Variants in ACAA1 observed in about 807,000 individuals in gnomAD.
ACAA1 encodes acetyl-CoA acyltransferase 1, also known as 3-ketoacyl-CoA thiolase, peroxisomal.
In ACAA1, 44 loss-of-function variants were observed where a neutral mutation model predicts 48.8. The ratio of observed to expected loss-of-function variants is 0.90; its 90% CI spans 0.71 to 1.16. ACAA1 has a LOEUF of 1.16. Among genes scored for constraint, ACAA1 ranks in the 50% most tolerant of loss-of-function variants. The pLI, the probability that ACAA1 is intolerant of heterozygous loss-of-function variation, is 0.00. For synonymous variants in ACAA1, 233 were observed against 226.5 expected, an observed-to-expected ratio of 1.03 and a Z score of -0.26; for missense variants, 512 against 562.3, an observed-to-expected ratio of 0.91 and a Z score of 0.90.
At chr3:38,133,874 G>T in intron 3 of ACAA1, 78 bp downstream of exon 3, 1 of 1,483,718 alleles carries the variant, frequency 6.7e-7, no homozygotes, top group Non-Finnish European at 9.4e-7. Context: ...TCCCCAACCT[G>T]CACACTGAGT....
At chr3:38,135,848 T>C (rs1700880555) in intron 2 of ACAA1, among the ~76,000 whole-genome samples, 1 of 152,134 alleles carries the variant, frequency 6.6e-6, no homozygotes. Flanking sequence ...CCTCTTTTAC[T>C]AATACTCCTC....
chr3:38,122,932 A>G lies in ACAA1; in HGVS notation c.*115T>C, dbSNP rs1164525636. 1.2e-5 allele frequency: 13 copies of G among 1,085,676 alleles called. No individual in the cohort carries two copies. Among genetic ancestry groups the G allele is most frequent in the African/African-American group, 1.6e-5 (1 of 64,338 alleles). The allele number at this position is 1,085,676 out of a possible 1,614,324, so 67.3% of individuals were successfully genotyped here. A position where few individuals can be genotyped will look rare whatever the true frequency, so the allele number is the denominator to read the frequency against. On this transcript the variant is annotated 3_prime_UTR_variant, in exon 12 of 12. Coordinates refer to ENST00000333167, the MANE Select transcript of ACAA1 (RefSeq NM_001607.4). The stretch of plus-strand genomic sequence containing the variant: ...TGAGTTGAAGTGCCTTGATCTGTCC[A>G]CTGCCACCACCACCAGTGCTGAGTT...
chr3:38,135,480 G>A (rs1700872010), intron 2 of ACAA1, among the ~76,000 whole-genome samples: 1 of 152,096 alleles, frequency 6.6e-6, no homozygotes, highest in Non-Finnish European at 1.5e-5. Flanking sequence ...TAAGGTAATG[G>A]TGGGGAGGGG....
chr3:38,132,329 C>A, intron 3 of ACAA1: 1 of 176,472 alleles, frequency 5.7e-6, no homozygotes, highest in Non-Finnish European at 1.2e-5. Flanking sequence ...CTCTCTCTCT[C>A]CCTTTGAAGA....
In ACAA1 at chr3:38,126,559, G is replaced by T. The variant is rs761579086; in HGVS notation, c.768C>A (p.Gly256=). The T allele has an allele frequency of 6.2e-7, 1 of 1,614,192 alleles. No individual in the cohort carries two copies. Among genetic ancestry groups the T allele is most frequent in the Non-Finnish European group, 8.5e-7 (1 of 1,180,030 alleles). ...TGAAGGCAGGCTTCAGTTTGGCCAG[G>T]CCCTCCATGGTGGTGCTGGGGCGGA... The part of the protein sequence containing the change: ...EGIRPSTTME[G]LAKLKPAFKK... Residue 256 remains glycine (G), a synonymous_variant, in exon 8 of 12, where the codon GGC becomes GGA. Coordinates refer to ENST00000333167, the MANE Select transcript of ACAA1 (RefSeq NM_001607.4). The surrounding 1 kb of genome is among the most constrained non-coding windows in gnomAD (Gnocchi z 4.7).
chr3:38,128,045 A>G (rs554962003), intron 6 of ACAA1, among the ~76,000 whole-genome samples, 179 bp from the exon 7 acceptor site: 2 of 152,306 alleles, frequency 1.3e-5, no homozygotes, highest in South Asian at 4.1e-4. Context: ...CCTGCCCTGA[A>G]AGTGGATATA....
intron 7 of ACAA1, among the ~76,000 whole-genome samples, chr3:38,127,099 T>C (rs1395754794): frequency 6.6e-6 from 1 of 152,236 alleles, no homozygotes; most frequent in Non-Finnish European, 1.5e-5. Flanking sequence ...TTTCCGCCTA[T>C]TTAAAGTGAC....
chr3:38,132,303 G>C, intron 3 of ACAA1: 1 of 192,732 alleles, frequency 5.2e-6, no homozygotes, highest in Non-Finnish European at 1.1e-5. Context: ...AGCCTGTTTG[G>C]GCCACAGGGA....
intron 11 of ACAA1, 85 bp from the exon 12 acceptor site, chr3:38,123,207 C>T: frequency 3.7e-6 from 5 of 1,341,710 alleles, no homozygotes; most frequent in Non-Finnish European, 5.3e-6. Context: ...ACGTCATGGA[C>T]AAGTAGGATG....
chr3:38,129,266 A>T lies in ACAA1; in HGVS notation c.545+24T>A. 1 of 1,603,142 alleles carries T rather than the reference A, an allele frequency of 6.2e-7. No homozygotes were observed. The highest frequency in any genetic ancestry group is 8.5e-7 in the Non-Finnish European group (1 of 1,170,442). On this transcript the variant is annotated intron_variant, in intron 6 of 11. Coordinates refer to ENST00000333167, the MANE Select transcript of ACAA1 (RefSeq NM_001607.4). This position sits in a 1 kb window ranked among gnomAD's most constrained non-coding sequence, Gnocchi z 5.3. ...TGCCCCAGGCAGAGAGGGCACAAGC[A>T]CACAGAGCTATGGGAGCACTCACCC...
Position 38,126,012 on chromosome 3 carries a change from G to A in ACAA1, c.998-131C>T, listed in dbSNP as rs1384282761. 10 of 1,487,290 alleles carry A rather than the reference G, an allele frequency of 6.7e-6. No homozygotes were observed. The Admixed American group carries it at 1.6e-4, about 24-fold the overall frequency. The allele number at this position is 1,487,290 out of a possible 1,614,324, so 92.1% of individuals were successfully genotyped here. A position where few individuals can be genotyped will look rare whatever the true frequency, so the allele number is the denominator to read the frequency against. On this transcript the variant is annotated intron_variant, in intron 9 of 11. Transcript: ENST00000333167. The surrounding 1 kb of genome is among the most constrained non-coding windows in gnomAD (Gnocchi z 4.7). ...AGGGTGAGCCAATCCCAGCTGTGGG[G>A]TCAGGAAGGGCTTGAAGTATGGGAC...
chr3:38,134,005 ATTTCCTGTGGACAACAAAC>A lies in ACAA1; in HGVS notation c.266-15_269del. 3 of 1,613,350 alleles carry A rather than the reference ATTTCCTGTGGACAACAAAC, an allele frequency of 1.9e-6. No individual in the cohort carries two copies. Among genetic ancestry groups the A allele is most frequent in the Non-Finnish European group, 2.5e-6 (3 of 1,179,554 alleles). The stretch of plus-strand genomic sequence containing the variant: ...TTGCCCCGGCCCCAGGCTGCAGCAC[ATTTCCTGTGGACAACAAAC>A]TTTCATTCAGTGCCAGGCGGTGGTG... On this transcript the variant is annotated splice_acceptor_variant and splice_polypyrimidine_tract_variant and coding_sequence_variant and intron_variant, in exon 3 of 12. Coordinates refer to ENST00000333167, the MANE Select transcript of ACAA1 (RefSeq NM_001607.4). LOFTEE classifies it high-confidence loss of function.
chr3:38,129,894 T>C lies in ACAA1; in HGVS notation c.447-506A>G, dbSNP rs1244904375. ...GGTGAAACCCCGCCTCTACTAAAAA[T>C]ACAAAACATTAGCCGGGCATGGTGG... On this transcript the variant is annotated intron_variant, in intron 5 of 11. Transcript: ENST00000333167. This position sits in a 1 kb window ranked among gnomAD's most constrained non-coding sequence, Gnocchi z 5.3. 6.6e-6 allele frequency among the ~76,000 whole-genome samples: 1 copy of C among 151,938 alleles called. No homozygotes were observed. Among genetic ancestry groups the C allele is most frequent in the Non-Finnish European group, 1.5e-5 (1 of 67,974 alleles).
chr3:38,133,879 C>T (rs1700836584), intron 3 of ACAA1, 73 bp downstream of exon 3: 4 of 1,523,578 alleles, frequency 2.6e-6, no homozygotes, highest in Non-Finnish European at 2.7e-6. Flanking sequence ...AACCTGCACA[C>T]TGAGTTTCCT....
In ACAA1 at chr3:38,137,048, C is replaced by A; in HGVS notation, c.-13G>T. Reference sequence around the variant, plus strand: ...GCAGCCTCTGCATTGCGCAGGTCAACCCTGCAGACCAGCCACCAGTCCGGG... The same window carrying A: ...GCAGCCTCTGCATTGCGCAGGTCAAACCTGCAGACCAGCCACCAGTCCGGG... On this transcript the variant is annotated 5_prime_UTR_variant, in exon 1 of 12. Transcript: ENST00000333167. 6.5e-7 allele frequency: 1 copy of A among 1,544,928 alleles called. No homozygotes were observed. The highest frequency in any genetic ancestry group is 8.7e-7 in the Non-Finnish European group (1 of 1,149,092).
chr3:38,132,537 C>G (rs929846387), intron 3 of ACAA1: 4 of 153,122 alleles, frequency 2.6e-5, no homozygotes, highest in African/African-American at 9.6e-5. Flanking sequence ...ACGAAGCACT[C>G]TGATGGGCAT....
rs73827629 is a variant in ACAA1 at position 38,137,100 on chromosome 3, C to T, written c.-65G>A. On this transcript the variant is annotated 5_prime_UTR_variant, in exon 1 of 12. Coordinates refer to ENST00000333167, the MANE Select transcript of ACAA1 (RefSeq NM_001607.4). Reference sequence around the variant, plus strand: ...ACTGACCGCGGAGTTAACAGACAGCCGTCCGCACACGCGCAGAACCACATC... The same window carrying T: ...ACTGACCGCGGAGTTAACAGACAGCTGTCCGCACACGCGCAGAACCACATC... The T allele has an allele frequency of 2.9e-4, 384 of 1,305,854 alleles. 1 individual carries two copies. The African/African-American group carries it at 5.4e-3, about 18-fold the overall frequency. 80.9% of individuals were successfully genotyped at this position (1,305,854 alleles called of 1,614,324 possible).
At position 38,126,458 on chromosome 3, in the gene ACAA1, C is replaced by G; in HGVS notation, c.817+52G>C. ...ATTCCAGGTTCCCAGAGTACAGCACCCAGCATGGCCATGGCCTGCTTTCTC... is the reference window on the plus strand; with the variant it reads ...ATTCCAGGTTCCCAGAGTACAGCACGCAGCATGGCCATGGCCTGCTTTCTC... On this transcript the variant is annotated intron_variant, in intron 8 of 11. Transcript: ENST00000333167. This position sits in a 1 kb window ranked among gnomAD's most constrained non-coding sequence, Gnocchi z 4.7. 6.2e-7 allele frequency: 1 copy of G among 1,613,574 alleles called. No individual in the cohort carries two copies. The highest frequency in any genetic ancestry group is 8.5e-7 in the Non-Finnish European group (1 of 1,179,622).
chr3:38,132,895 C>T (rs1164958506), intron 3 of ACAA1, among the ~76,000 whole-genome samples: 1 of 152,194 alleles, frequency 6.6e-6, no homozygotes, highest in African/African-American at 2.4e-5. Context: ...ACTCAATCCA[C>T]CAAGTGTTCA....
Sources: allele counts gnomAD v4.1 joint callset (sites outside exome capture counted in the v4.1 genomes callset), GRCh38; gene constraint gnomAD v4.1.1; non-coding constraint Gnocchi (gnomAD v3.1); transcripts MANE v1.5; gene names NCBI Gene and HGNC (gene_info 2026-07-23, HGNC 2026-07-21).